The following ROBO2 variants were observed in gnomAD, a reference collection of about 807,000 sequenced individuals.
The protein encoded by ROBO2 is roundabout homolog 2.
ROBO2 carries 53 observed loss-of-function variants against 160.8 expected under a neutral mutation model. That is an observed-to-expected ratio of 0.33 (90% CI 0.26 to 0.41). The LOEUF (loss-of-function observed/expected upper bound fraction) is 0.41, where lower values mean the gene tolerates loss of function less well. ROBO2 is among the 10% of genes least tolerant of loss of function. The pLI is 1.00. For missense variants in ROBO2, 1,577 were observed against 1,722.4 expected (o/e 0.92, Z 1.49); for synonymous variants, 664 against 611.7 (o/e 1.09, Z -1.26).
In ROBO2 at chr3:76,851,728, C is replaced by T. The variant is rs1577041442; in HGVS notation, c.110-246286C>T. 1.9e-5 allele frequency among the ~76,000 whole-genome samples: 2 copies of T among 106,628 alleles called. 1 individual carries two copies. The highest frequency in any genetic ancestry group is 8.8e-5 in the African/African-American group (2 of 22,606). 70.0% of individuals were successfully genotyped at this position (106,628 alleles called of 152,430 possible). A position where few individuals can be genotyped will look rare whatever the true frequency, so the allele number is the denominator to read the frequency against. On this transcript the variant is annotated intron_variant, in intron 2 of 26. Transcript: ENST00000487694. ...CCGCAGTCCGAGGTGGGCGACAGAG[C>T]GAGACTCCGTCTCAAAAAAAAAAAA...
At position 76,929,702 on chromosome 3, in the gene ROBO2, G is replaced by A. The variant is rs72900121; in HGVS notation, c.110-168312G>A. 9.0e-3 allele frequency among the ~76,000 whole-genome samples: 1,361 copies of A among 151,994 alleles called. 21 individuals are homozygous for A. The highest frequency in any genetic ancestry group is 0.031 in the African/African-American group (1,280 of 41,420). ...GACTCCAGTGTGTGTGGATCTCAGGGTAGAAGAGACTCCAGTGTCTGTGAA... is the reference window on the plus strand; with the variant it reads ...GACTCCAGTGTGTGTGGATCTCAGGATAGAAGAGACTCCAGTGTCTGTGAA... On this transcript the variant is annotated intron_variant, in intron 2 of 26. Transcript: ENST00000487694.
chr3:76,542,917 A>C (rs1173686473), intron 2 of ROBO2, among the ~76,000 whole-genome samples: 1 of 152,130 alleles, frequency 6.6e-6, no homozygotes, highest in Non-Finnish European at 1.5e-5. Context: ...TGACACTTTA[A>C]CAAGTCATTA....
At chr3:77,182,895 T>C (rs2080925649) in intron 2 of ROBO2, among the ~76,000 whole-genome samples, 1 of 152,042 alleles carries the variant, frequency 6.6e-6, no homozygotes. Flanking sequence ...CCAAATCTCT[T>C]TGAATGAAAA....
intron 2 of ROBO2, among the ~76,000 whole-genome samples, chr3:76,085,957 G>A (rs562193053): frequency 1.3e-5 from 2 of 152,224 alleles, no homozygotes; most frequent in Admixed American, 1.3e-4. Flanking sequence ...ATACAAAAGT[G>A]CATCCCATTC....
intron 2 of ROBO2, among the ~76,000 whole-genome samples, chr3:76,168,019 G>A (rs950982332): frequency 6.6e-6 from 1 of 152,174 alleles, no homozygotes; most frequent in Non-Finnish European, 1.5e-5. Context: ...GGCAAAAGTA[G>A]ATGATCCAGT....
chr3:76,138,643 T>G (rs565629043), intron 2 of ROBO2, among the ~76,000 whole-genome samples: 9 of 152,124 alleles, frequency 5.9e-5, no homozygotes, highest in Non-Finnish European at 1.2e-4. Context: ...CATGGGACAA[T>G]GAGACATTTT....
chr3:77,592,743 G>T (rs1006088557), intron 17 of ROBO2, among the ~76,000 whole-genome samples: 11 of 152,012 alleles, frequency 7.2e-5, no homozygotes, highest in African/African-American at 2.7e-4. Flanking sequence ...GTAGAGACGG[G>T]GTTTCACCGT....
At chr3:77,175,034 A>C (rs575743639) in intron 2 of ROBO2, among the ~76,000 whole-genome samples, 65 of 152,194 alleles carry the variant, frequency 4.3e-4, no homozygotes, top group Non-Finnish European at 7.7e-4. Flanking sequence ...TAAGGCACAT[A>C]ATCTTCCTAA....
chr3:76,521,110 G>A (rs573319212), intron 2 of ROBO2, among the ~76,000 whole-genome samples: 65 of 139,854 alleles, frequency 4.6e-4, no homozygotes, highest in Non-Finnish European at 6.6e-4. Flanking sequence ...GTGCAGCGGT[G>A]TGCTCTCAAC....
intron 2 of ROBO2, among the ~76,000 whole-genome samples, chr3:76,177,535 G>A (rs2073274867): frequency 6.6e-6 from 1 of 152,070 alleles, no homozygotes; most frequent in African/African-American, 2.4e-5. Context: ...AAAATACGAG[G>A]CTTGATCATC....
intron 2 of ROBO2, among the ~76,000 whole-genome samples, chr3:76,561,503 A>G (rs556815007): frequency 8.5e-5 from 13 of 152,294 alleles, no homozygotes; most frequent in African/African-American, 3.1e-4. Context: ...CTTTCTTGCC[A>G]TAAATAACTG....
At chr3:77,459,908 T>G (rs2082063997) in intron 2 of ROBO2, among the ~76,000 whole-genome samples, 1 of 150,636 alleles carries the variant, frequency 6.6e-6, no homozygotes, top group African/African-American at 2.4e-5. Context: ...AGGATAAGGA[T>G]TTTCACTTTT....
intron 2 of ROBO2, among the ~76,000 whole-genome samples, chr3:76,175,976 T>A (rs1261924102): frequency 6.6e-6 from 1 of 152,154 alleles, no homozygotes; most frequent in Non-Finnish European, 1.5e-5. Flanking sequence ...CAGAATTTTT[T>A]ATTTTTTTTT....
chr3:76,454,336 T>G (rs910602219), intron 2 of ROBO2, among the ~76,000 whole-genome samples: 2 of 152,178 alleles, frequency 1.3e-5, no homozygotes, highest in African/African-American at 4.8e-5. Context: ...AGAGTAATTT[T>G]ACTTTGTCAA....
At chr3:76,656,196 T>G (rs1839052) in intron 2 of ROBO2, among the ~76,000 whole-genome samples, 127,208 of 151,762 alleles carry the variant, frequency 0.84, 53,686 homozygotes, top group African/African-American at 0.93. Flanking sequence ...TGTGACCTCA[T>G]TGACAAATGA....
At chr3:76,372,635 T>C (rs774950027) in intron 2 of ROBO2, among the ~76,000 whole-genome samples, 3 of 151,938 alleles carry the variant, frequency 2.0e-5, no homozygotes, top group Admixed American at 6.6e-5. Flanking sequence ...TGAATCTTTG[T>C]GTAAGCAAGT....
chr3:76,791,294 G>A (rs2063334302), intron 2 of ROBO2, among the ~76,000 whole-genome samples: 1 of 151,750 alleles, frequency 6.6e-6, no homozygotes, highest in South Asian at 2.1e-4. Flanking sequence ...TGAGCCTGCA[G>A]AATGGTCCAC....
intron 2 of ROBO2, among the ~76,000 whole-genome samples, chr3:76,221,021 A>G (rs1251859959): frequency 6.7e-6 from 1 of 148,248 alleles, no homozygotes; most frequent in Non-Finnish European, 1.5e-5. Flanking sequence ...GAACATGGTA[A>G]TACTAGGAGA....
At chr3:76,410,492 A>C (rs571252084) in intron 2 of ROBO2, among the ~76,000 whole-genome samples, 2 of 152,274 alleles carry the variant, frequency 1.3e-5, no homozygotes, top group East Asian at 3.9e-4. Context: ...GTTTATGTGT[A>C]CTTGACAATT....
Sources: allele counts gnomAD v4.1 joint callset (sites outside exome capture counted in the v4.1 genomes callset), GRCh38; gene constraint gnomAD v4.1.1; transcripts MANE v1.5; gene names NCBI Gene and HGNC (gene_info 2026-07-23, HGNC 2026-07-21).